NELFB: variants seen among roughly 807,000 people sequenced by gnomAD.
NELFB encodes negative elongation factor complex member B.
In NELFB, 34 loss-of-function variants were observed where a neutral mutation model predicts 60.2. That is an observed-to-expected ratio of 0.56 (90% CI 0.43 to 0.75). NELFB has a LOEUF of 0.75. NELFB is among the 30% of genes least tolerant of loss of function. The pLI is 0.00. For missense variants in NELFB, 770 were observed against 831.6 expected (o/e 0.93, Z 0.91); for synonymous variants, 459 against 382.1 (o/e 1.20, Z -2.35).
intron 10 of NELFB, among the ~76,000 whole-genome samples, chr9:137,270,831 A>C (rs1355729638): frequency 6.6e-6 from 1 of 151,974 alleles, no homozygotes; most frequent in Non-Finnish European, 1.5e-5. Flanking sequence ...AGGCAGAAGG[A>C]TCGCTTGAAC....
chr9:137,264,508 C>T (rs1830495972), intron 6 of NELFB, 151 bp downstream of exon 6: 1 of 631,826 alleles, frequency 1.6e-6, no homozygotes, highest in Non-Finnish European at 2.8e-6. Context: ...TTCTGTAGCC[C>T]AGGATGGAGT....
chr9:137,265,239 TCAAA>T lies in NELFB; in HGVS notation c.1041-630_1041-627del, dbSNP rs201656597. 9.1e-4 allele frequency among the ~76,000 whole-genome samples: 138 copies of T among 151,326 alleles called. 5 individuals are homozygous for T. The East Asian group carries it at 0.026, about 28-fold the overall frequency. On this transcript the variant is annotated intron_variant, in intron 6 of 12. Transcript: ENST00000343053. ...TTTCACCACCTCGCCCGGGCTAGTC[TCAAA>T]CAAACAATCCACCGGCCTCAGCATC...
At chr9:137,264,205 G>T in intron 5 of NELFB, 40 bp from the exon 6 acceptor site, 1 of 1,479,978 alleles carries the variant, frequency 6.8e-7, no homozygotes, top group South Asian at 1.2e-5. Context: ...GGTCATCCTG[G>T]GAGGTTTGGG....
rs745670214 is a variant in NELFB, at chr9:137,272,879, C to G, written c.1838C>G (p.Pro613Arg). The change falls in exon 13 of 13, where the codon CCG (proline) becomes CGG (arginine). Residue 613 changes from proline (P) to arginine (R), a missense_variant. Pro to Arg is a moderately radical substitution (Grantham distance 103, BLOSUM62 -2). Transcript: ENST00000343053. The stretch of plus-strand genomic sequence containing the variant: ...AGCCCGGCACAGGCTGCGGAGACGC[C>G]GGCCCTGGAGCTGCCCCTCCCCAGC... The G allele has an allele frequency of 1.7e-5, 27 of 1,547,364 alleles. No homozygotes were observed. Among genetic ancestry groups the G allele is most frequent in the African/African-American group, 1.1e-4 (8 of 72,954 alleles).
At chr9:137,265,742 T>C in intron 6 of NELFB, 135 bp from the exon 7 acceptor site, 1 of 648,472 alleles carries the variant, frequency 1.5e-6, no homozygotes, top group East Asian at 2.8e-5. Flanking sequence ...CCTTAAGCTT[T>C]TTGTAAGAAA....
intron 1 of NELFB, 23 bp from the exon 2 acceptor site, chr9:137,255,884 G>T: frequency 6.2e-7 from 1 of 1,611,036 alleles, no homozygotes; most frequent in South Asian, 1.1e-5. Context: ...GGCTGCGTTT[G>T]AGGTTTCTCT....
intron 4 of NELFB, among the ~76,000 whole-genome samples, chr9:137,259,472 G>A (rs576090611): frequency 1.3e-5 from 2 of 152,152 alleles, no homozygotes; most frequent in African/African-American, 4.8e-5. Flanking sequence ...TTCCATTGCT[G>A]TCAGACAGAG....
At chr9:137,263,316 C>G in intron 5 of NELFB, 94 bp downstream of exon 5, 1 of 1,153,706 alleles carries the variant, frequency 8.7e-7, no homozygotes, top group Middle Eastern at 2.9e-4. Flanking sequence ...CTCCCTCCTT[C>G]CCCCACTGCC....
chr9:137,256,845 C>T lies in NELFB; in HGVS notation c.532C>T (p.Leu178=), dbSNP rs373844145. Reference sequence around the variant, plus strand: ...GTAGGTTCCGGAGAAAAAACTGAAGCTGGTTATGGCTGACAAGGAGCTGTA... The same window carrying T: ...GTAGGTTCCGGAGAAAAAACTGAAGTTGGTTATGGCTGACAAGGAGCTGTA... The change falls in exon 4 of 13, where the codon CTG becomes TTG. Residue 178 remains leucine, a synonymous_variant. Coordinates refer to ENST00000343053, the MANE Select transcript of NELFB (RefSeq NM_015456.5). The T allele has an allele frequency of 4.3e-6, 7 of 1,614,002 alleles. No homozygotes were observed. The African/African-American group carries it at 8.0e-5, about 18-fold the overall frequency.
At chr9:137,267,450 C>A in intron 10 of NELFB, 104 bp downstream of exon 10, 1 of 825,710 alleles carries the variant, frequency 1.2e-6, no homozygotes, top group Non-Finnish European at 1.9e-6. Flanking sequence ...GCTGCCTTGT[C>A]TCCCCAGCCC....
In NELFB at chr9:137,264,297, G is replaced by A; in HGVS notation, c.980G>A (p.Arg327Lys). 1 of 1,605,214 alleles carries A rather than the reference G, an allele frequency of 6.2e-7. No homozygotes were observed. Among genetic ancestry groups the A allele is most frequent in the Non-Finnish European group, 8.5e-7 (1 of 1,176,962 alleles). The stretch of plus-strand genomic sequence containing the variant: ...CGAGAGCGGTTCGTGGACAGCAAGA[G>A]GGCGCGGGAGCTGCAGGGGTTTCTC... The change falls in exon 6 of 13, where the codon AGG (arginine) becomes AAG (lysine). Residue 327 changes from arginine (R) to lysine (K), a missense_variant. Coordinates refer to ENST00000343053, the MANE Select transcript of NELFB (RefSeq NM_015456.5).
At chr9:137,270,842 C>T (rs1830576087) in intron 10 of NELFB, among the ~76,000 whole-genome samples, 1 of 152,182 alleles carries the variant, frequency 6.6e-6, no homozygotes, top group Non-Finnish European at 1.5e-5. Context: ...TCGCTTGAAC[C>T]CGGGAGGTGG....
intron 4 of NELFB, among the ~76,000 whole-genome samples, chr9:137,257,351 C>A: frequency 6.6e-6 from 1 of 152,210 alleles, no homozygotes; most frequent in East Asian, 1.9e-4. Context: ...TTCTTTGAGA[C>A]GGAGTCTCGC....
intron 4 of NELFB, among the ~76,000 whole-genome samples, chr9:137,258,113 T>C (rs1481296456): frequency 2.3e-5 from 3 of 131,986 alleles, no homozygotes; most frequent in Non-Finnish European, 4.7e-5. Context: ...CCGAGATTTG[T>C]TGGGGTTTTT....
Position 137,256,368 on chromosome 9 carries a change from T to C in NELFB, c.450T>C (p.Ser150=). 6.2e-7 allele frequency: 1 copy of C among 1,614,100 alleles called. No individual in the cohort carries two copies. The highest frequency in any genetic ancestry group is 8.5e-7 in the Non-Finnish European group (1 of 1,180,030). ...AAGACCTTCTGGAGAAGAGCTTTTC[T>C]CTGGTGAAGATGCCGTCCCTGCAGC... The change falls in exon 3 of 13, where the codon TCT becomes TCC. Residue 150 remains serine, a synonymous_variant. Coordinates refer to ENST00000343053, the MANE Select transcript of NELFB (RefSeq NM_015456.5).
rs760276299 is a variant in NELFB, at chr9:137,263,122, G to C, written c.827G>C (p.Arg276Pro). 2 of 1,613,968 alleles carry C rather than the reference G, an allele frequency of 1.2e-6. No individual in the cohort carries two copies. The highest frequency in any genetic ancestry group is 1.7e-5 in the Admixed American group (1 of 60,010). The stretch of plus-strand genomic sequence containing the variant: ...CAGTTTCTGCGCACGCTCTTCCTGC[G>C]CACGCGGAATGTGCACTACTGCACG... Residue 276 changes from arginine to proline, a missense_variant, in exon 5 of 13, where the codon CGC becomes CCC. Arg to Pro is a moderately radical substitution (Grantham distance 103). Coordinates refer to ENST00000343053, the MANE Select transcript of NELFB (RefSeq NM_015456.5).
Position 137,273,211 on chromosome 9 carries a change from T to G in NELFB, c.*283T>G, listed in dbSNP as rs958425105. 6.1e-6 allele frequency: 2 copies of G among 330,010 alleles called. No homozygotes were observed. The highest frequency in any genetic ancestry group is 1.1e-5 in the Non-Finnish European group (2 of 181,622). The allele number at this position is 330,010 out of a possible 1,614,324, so 20.4% of individuals were successfully genotyped here. On this transcript the variant is annotated 3_prime_UTR_variant, in exon 13 of 13. Transcript: ENST00000343053. ...TTTCCTGTGTTAGGAAAAAACCACC[T>G]GTTTTCCAAGGGGAGAGGGCGGGGC...
intron 4 of NELFB, 145 bp from the exon 5 acceptor site, chr9:137,262,892 T>C: frequency 1.3e-6 from 1 of 776,646 alleles, no homozygotes; most frequent in Non-Finnish European, 2.0e-6. Context: ...GGGGCCAATA[T>C]TTAATGAGAG....
At chr9:137,267,218 G>A in intron 9 of NELFB, 22 bp from the exon 10 acceptor site, 2 of 1,270,358 alleles carry the variant, frequency 1.6e-6, no homozygotes, top group Non-Finnish European at 2.2e-6. Flanking sequence ...CTGAGGTGGG[G>A]CTGATGGCGC....
Sources: allele counts gnomAD v4.1 joint callset (sites outside exome capture counted in the v4.1 genomes callset), GRCh38; gene constraint gnomAD v4.1.1; transcripts MANE v1.5; gene names NCBI Gene and HGNC (gene_info 2026-07-23, HGNC 2026-07-21).